Variants in GLRA3 observed in about 807,000 individuals in gnomAD.
GLRA3 encodes glycine receptor alpha 3.
A neutral mutation model predicts 60.4 loss-of-function variants in GLRA3; 44 were observed. The ratio of observed to expected loss-of-function variants is 0.73; its 90% confidence interval spans 0.57 to 0.94. The LOEUF is 0.94. Among genes scored for constraint, GLRA3 ranks in the 40% least tolerant of loss-of-function variants. The pLI is 0.00. For synonymous variants in GLRA3, 223 were observed against 192.9 expected, an observed-to-expected ratio of 1.16 and a Z score of -1.29; for missense variants, 508 against 564.6, an observed-to-expected ratio of 0.90 and a Z score of 1.02.
intron 6 of GLRA3, among the ~76,000 whole-genome samples, chr4:174,680,642 C>T (rs574076540): frequency 6.6e-5 from 10 of 152,002 alleles, no homozygotes; most frequent in Non-Finnish European, 1.3e-4. Context: ...CAGGGTATTA[C>T]GGAGCAAGGG....
chr4:174,815,884 C>T (rs889649613), intron 1 of GLRA3, among the ~76,000 whole-genome samples: 1 of 152,130 alleles, frequency 6.6e-6, no homozygotes, highest in Non-Finnish European at 1.5e-5. Context: ...ATTTGGCTTC[C>T]CATTACTTAT....
At chr4:174,793,362 A>G (rs1159098749) in intron 1 of GLRA3, among the ~76,000 whole-genome samples, 1 of 151,946 alleles carries the variant, frequency 6.6e-6, no homozygotes, top group Non-Finnish European at 1.5e-5. Context: ...ATACCATGAT[A>G]CCATTTTGCA....
intron 3 of GLRA3, among the ~76,000 whole-genome samples, chr4:174,736,318 G>A (rs544907759): frequency 1.3e-5 from 2 of 151,662 alleles, no homozygotes; most frequent in African/African-American, 2.4e-5. Context: ...TTAAAAAATC[G>A]TGATCAAATA....
intron 2 of GLRA3, among the ~76,000 whole-genome samples, chr4:174,778,691 T>C (rs957364027): frequency 6.6e-6 from 1 of 152,190 alleles, no homozygotes; most frequent in Non-Finnish European, 1.5e-5. Flanking sequence ...GGAGTTCCCT[T>C]TCCGAGTCAA....
intron 3 of GLRA3, among the ~76,000 whole-genome samples, chr4:174,763,191 C>G (rs1325214763): frequency 2.6e-5 from 4 of 152,120 alleles, no homozygotes; most frequent in Non-Finnish European, 4.4e-5. Context: ...CACAAAGCTC[C>G]TGCTCCAGGA....
At chr4:174,652,869 T>A (rs926246053) in intron 9 of GLRA3, among the ~76,000 whole-genome samples, 13 of 152,080 alleles carry the variant, frequency 8.5e-5, no homozygotes, top group Non-Finnish European at 1.5e-5. Context: ...AGAAAACTTA[T>A]GTGGATGTGA....
chr4:174,799,122 A>AG (rs1423298978), intron 1 of GLRA3, among the ~76,000 whole-genome samples: 2 of 152,184 alleles, frequency 1.3e-5, no homozygotes, highest in African/African-American at 4.8e-5. Context: ...GATAAATGAT[A>AG]GCTGCTTCCT....
intron 3 of GLRA3, among the ~76,000 whole-genome samples, chr4:174,746,977 C>T (rs1421436939): frequency 6.6e-6 from 1 of 152,164 alleles, no homozygotes; most frequent in Admixed American, 6.5e-5. Flanking sequence ...CATGTACTCA[C>T]AGGAAGAATG....
intron 3 of GLRA3, among the ~76,000 whole-genome samples, chr4:174,744,956 T>G (rs1400356130): frequency 6.6e-6 from 1 of 152,126 alleles, no homozygotes; most frequent in East Asian, 1.9e-4. Context: ...GATAGCTATC[T>G]TAGTGAAGAA....
At chr4:174,674,671 T>G (rs1734042439) in intron 7 of GLRA3, among the ~76,000 whole-genome samples, 1 of 152,316 alleles carries the variant, frequency 6.6e-6, no homozygotes, top group Non-Finnish European at 1.5e-5. Flanking sequence ...TTATGATTTA[T>G]TGTTTCACTG....
chr4:174,705,270 T>G (rs549775630), intron 5 of GLRA3, among the ~76,000 whole-genome samples: 1 of 143,202 alleles, frequency 7.0e-6, no homozygotes, highest in South Asian at 2.2e-4. Context: ...GGCCCTTCTG[T>G]CTTCTGTGGG....
At position 174,768,708 on chromosome 4, in the gene GLRA3, A is replaced by T. The variant is rs532918527; in HGVS notation, c.200-1678T>A. On this transcript the variant is annotated intron_variant, in intron 2 of 9. Transcript: ENST00000274093. ...ATATTCCATCATTAACATTTTAGGGAATTAAAGCACAGTGACCCTACGTAA... is the reference window on the plus strand; with the variant it reads ...ATATTCCATCATTAACATTTTAGGGTATTAAAGCACAGTGACCCTACGTAA... Among the ~76,000 whole-genome samples, 34 of 152,254 alleles carry T rather than the reference A, an allele frequency of 2.2e-4. No homozygotes were observed. The Middle Eastern group carries it at 0.01, about 46-fold the overall frequency.
At chr4:174,651,147 C>T (rs1008415456) in intron 9 of GLRA3, among the ~76,000 whole-genome samples, 4 of 152,160 alleles carry the variant, frequency 2.6e-5, no homozygotes, top group Admixed American at 2.0e-4. Flanking sequence ...ATAGATCTCA[C>T]TGAACAAAGG....
At chr4:174,775,169 G>A (rs766610420) in intron 2 of GLRA3, among the ~76,000 whole-genome samples, 82 of 151,802 alleles carry the variant, frequency 5.4e-4, no homozygotes, top group Admixed American at 9.2e-4. Flanking sequence ...AAGTGACCTC[G>A]TACTAAGTAA....
chr4:174,732,360 TAA>T (rs780031779), intron 3 of GLRA3, among the ~76,000 whole-genome samples: 32 of 110,016 alleles, frequency 2.9e-4, no homozygotes, highest in Admixed American at 3.7e-4. Context: ...ACTCAAAAAT[TAA>T]AAAAAAAAAA....
chr4:174,724,821 A>G (rs889305108), intron 4 of GLRA3, among the ~76,000 whole-genome samples: 1 of 152,176 alleles, frequency 6.6e-6, no homozygotes, highest in Non-Finnish European at 1.5e-5. Flanking sequence ...CCTTCCTTTC[A>G]GCACCTAAAA....
intron 1 of GLRA3, among the ~76,000 whole-genome samples, chr4:174,825,487 C>T (rs1740929533): frequency 6.6e-6 from 1 of 152,014 alleles, no homozygotes; most frequent in Non-Finnish European, 1.5e-5. Flanking sequence ...GTGTTGATAT[C>T]AACTTGTAAA....
In GLRA3 at chr4:174,638,927, C is replaced by A. The variant is rs1406049983; in HGVS notation, c.*4859G>T. The A allele has an allele frequency of 1.3e-5, 2 of 152,182 alleles. No individual in the cohort carries two copies. Among genetic ancestry groups the A allele is most frequent in the African/African-American group, 4.8e-5 (2 of 41,440 alleles). 9.4% of individuals were successfully genotyped at this position (152,182 alleles called of 1,614,324 possible). A position where few individuals can be genotyped will look rare whatever the true frequency, so the allele number is the denominator to read the frequency against. ...TTAAAATGTGTAAGGAATTCCAACA[C>A]ATAGCCAGGGTTCAAAATCACTTTT... On this transcript the variant is annotated 3_prime_UTR_variant, in exon 10 of 10. Coordinates refer to ENST00000274093, the MANE Select transcript of GLRA3 (RefSeq NM_006529.4).
intron 4 of GLRA3, among the ~76,000 whole-genome samples, chr4:174,722,396 T>C (rs1231799684): frequency 1.3e-5 from 2 of 152,206 alleles, no homozygotes; most frequent in African/African-American, 4.8e-5. Flanking sequence ...CTTAGATCTC[T>C]TCTGGCCTCT....
Sources: allele counts gnomAD v4.1 joint callset (sites outside exome capture counted in the v4.1 genomes callset), GRCh38; gene constraint gnomAD v4.1.1; transcripts MANE v1.5; gene names NCBI Gene and HGNC (gene_info 2026-07-23, HGNC 2026-07-21).